The following CCM2 variants were observed in gnomAD, a reference collection of about 807,000 sequenced individuals.
CCM2 encodes cerebral cavernous malformations 2 protein.
CCM2 carries 25 observed loss-of-function variants against 44.9 expected under a neutral mutation model. The observed-to-expected ratio is 0.56, with a 90% CI of 0.41 to 0.78. CCM2 has a LOEUF of 0.78. CCM2 is among the 30% of genes least tolerant of loss of function. The pLI is 0.00. For missense variants in CCM2, 481 were observed against 580.6 expected (o/e 0.83, Z 1.76); for synonymous variants, 219 against 241.1 (o/e 0.91, Z 0.85).
chr7:45,033,041 T>G (rs1797040169), intron 1 of CCM2, among the ~76,000 whole-genome samples: 1 of 49,072 alleles, frequency 2.0e-5, no homozygotes, highest in African/African-American at 1.2e-4. Context: ...CAAAACTCCG[T>G]CTCAAAAAAA....
rs747203198 is a variant in CCM2 at position 45,060,612 on chromosome 7, TTC to T, written c.205-3304_205-3303del. 3.3e-5 allele frequency among the ~76,000 whole-genome samples: 5 copies of T among 152,214 alleles called. No individual in the cohort carries two copies. The East Asian group carries it at 7.7e-4, about 23-fold the overall frequency. ...GTAACTGTCCCACAGTTCTTGCATA[TTC>T]TGTTTTCTTTCTTTCGTTCTTTTTT... On this transcript the variant is annotated intron_variant, in intron 2 of 9. Coordinates refer to ENST00000258781, the MANE Select transcript of CCM2 (RefSeq NM_031443.4).
At chr7:45,002,325 A>T (rs1795671709) in intron 1 of CCM2, among the ~76,000 whole-genome samples, 1 of 152,232 alleles carries the variant, frequency 6.6e-6, no homozygotes, top group African/African-American at 2.4e-5. Context: ...GTAATCCAGC[A>T]CTTTGGGAGG....
chr7:45,076,292 G>C lies in CCM2; in HGVS notation c.*235G>C, dbSNP rs1784259335. The C allele has an allele frequency of 1.4e-6, 1 of 698,394 alleles. No homozygotes were observed. Among genetic ancestry groups the C allele is most frequent in the Non-Finnish European group, 2.6e-6 (1 of 389,180 alleles). 43.3% of individuals were successfully genotyped at this position (698,394 alleles called of 1,614,324 possible). A position where few individuals can be genotyped will look rare whatever the true frequency, so the allele number is the denominator to read the frequency against. Reference sequence around the variant, plus strand: ...GCCTTGTCCACCAGGGCTCAGCCAAGCCCTGCAGTGTGTCCCCGCTCGGGG... The same window carrying C: ...GCCTTGTCCACCAGGGCTCAGCCAACCCCTGCAGTGTGTCCCCGCTCGGGG... On this transcript the variant is annotated 3_prime_UTR_variant, in exon 10 of 10. Coordinates refer to ENST00000258781, the MANE Select transcript of CCM2 (RefSeq NM_031443.4).
In CCM2 at chr7:45,063,969, A is replaced by C. The variant is rs1411453531; in HGVS notation, c.256A>C (p.Thr86Pro). ...IPGYLNPSSR[T>P]EILHFIDNAK... ...AGGATACCTGAATCCCTCCAGTAGG[A>C]CTGAAATCCTGCATTTCATAGACAA... Residue 86 changes from threonine to proline, a missense_variant, in exon 3 of 10, where the codon ACT becomes CCT. Transcript: ENST00000258781. The C allele has an allele frequency of 6.2e-7, 1 of 1,613,084 alleles. No homozygotes were observed.
chr7:45,069,109 T>C (rs1271378936), intron 5 of CCM2, among the ~76,000 whole-genome samples: 2 of 152,256 alleles, frequency 1.3e-5, no homozygotes, highest in Non-Finnish European at 2.9e-5. Context: ...AGCCACCCAA[T>C]AGCTGTGGGG....
chr7:45,066,957 G>A (rs1379993097), intron 4 of CCM2, among the ~76,000 whole-genome samples: 2 of 149,564 alleles, frequency 1.3e-5, no homozygotes, highest in Admixed American at 1.3e-4. Flanking sequence ...CTGGAGTGTA[G>A]TGCCGTGATC....
intron 6 of CCM2, chr7:45,070,280 C>G: frequency 5.1e-6 from 2 of 393,352 alleles, no homozygotes; most frequent in South Asian, 4.2e-5. Context: ...GGAGAAGGCT[C>G]CTAGCACTGG....
chr7:45,068,862 C>T (rs561843039), intron 5 of CCM2, among the ~76,000 whole-genome samples: 46 of 152,352 alleles, frequency 3.0e-4, no homozygotes, highest in African/African-American at 1.0e-3. Context: ...CCACCGGTTC[C>T]CACCCCTGTG....
At position 45,076,021 on chromosome 7, in the gene CCM2, G is replaced by C; in HGVS notation, c.1299G>C (p.Glu433Asp). 1 of 1,613,080 alleles carries C rather than the reference G, an allele frequency of 6.2e-7. No homozygotes were observed. The highest frequency in any genetic ancestry group is 8.5e-7 in the Non-Finnish European group (1 of 1,180,028). The change falls in exon 10 of 10, where the codon GAG becomes GAC. Residue 433 changes from glutamate to aspartate, a missense_variant. Physicochemically the swap from Glu to Asp is conservative, Grantham distance 45. Transcript: ENST00000258781. ...TCTCGGACATCAGCAGCGACATTGA[G>C]GCGCTGGGCTGCAGCATGGACCAGG... Reference protein sequence around the residue: ...RMISDISSDIEALGCSMDQDS... With the variant: ...RMISDISSDIDALGCSMDQDS...
intron 2 of CCM2, among the ~76,000 whole-genome samples, chr7:45,058,897 C>G (rs1186153649): frequency 7.8e-6 from 1 of 128,850 alleles, no homozygotes; most frequent in Non-Finnish European, 1.7e-5. Flanking sequence ...CCACGCCCAG[C>G]TAATTTTTTT....
rs371956684 is a variant in CCM2 at position 45,064,416 on chromosome 7, G to A, written c.289-47G>A. ...ATTCTCAGGAGAAGCGCCCCATGCC[G>A]GTTGACAGCTGAGTCTGTATTTCTG... On this transcript the variant is annotated intron_variant, in intron 3 of 9. Coordinates refer to ENST00000258781, the MANE Select transcript of CCM2 (RefSeq NM_031443.4). 33 of 1,593,862 alleles carry A rather than the reference G, an allele frequency of 2.1e-5. No homozygotes were observed. In the African/African-American group the frequency reaches 3.0e-4, roughly 14 times the overall value.
intron 2 of CCM2, among the ~76,000 whole-genome samples, chr7:45,057,948 T>C (rs908648063): frequency 6.6e-5 from 10 of 152,226 alleles, no homozygotes; most frequent in Admixed American, 6.5e-4. Context: ...AAGATGAACT[T>C]GTATTTGCCA....
intron 6 of CCM2, chr7:45,070,799 G>GAA: frequency 3.3e-5 from 5 of 150,914 alleles, no homozygotes; most frequent in South Asian, 1.7e-4. Flanking sequence ...AAAATACCAA[G>GAA]AAAAAAAAAA....
intron 1 of CCM2, among the ~76,000 whole-genome samples, chr7:45,020,159 C>T (rs1272908805): frequency 1.3e-5 from 2 of 152,196 alleles, no homozygotes; most frequent in African/African-American, 2.4e-5. Context: ...AGGAGTAAAG[C>T]AATATAAAAG....
At chr7:45,045,435 T>C (rs772021432) in intron 2 of CCM2, among the ~76,000 whole-genome samples, 3 of 152,232 alleles carry the variant, frequency 2.0e-5, no homozygotes, top group Non-Finnish European at 4.4e-5. Context: ...AATCACATAA[T>C]TATATCAATC....
intron 1 of CCM2, among the ~76,000 whole-genome samples, chr7:45,036,235 T>G (rs1562879935): frequency 6.6e-6 from 1 of 152,214 alleles, no homozygotes; most frequent in Non-Finnish European, 1.5e-5. Context: ...CAAGACTTTC[T>G]GTTGTGTTTT....
At position 45,063,931 on chromosome 7, in the gene CCM2, T is replaced by C. The variant is rs1562906794; in HGVS notation, c.218T>C (p.Leu73Ser). 6.2e-7 allele frequency: 1 copy of C among 1,612,068 alleles called. No homozygotes were observed. The highest frequency in any genetic ancestry group is 8.5e-7 in the Non-Finnish European group (1 of 1,178,250). Reference sequence around the variant, plus strand: ...ACTTTCTTTCAGTATTTAGGTCAGTTAACGTCCATACCAGGATACCTGAAT... The same window carrying C: ...ACTTTCTTTCAGTATTTAGGTCAGTCAACGTCCATACCAGGATACCTGAAT... ...IEKEVKYLGQ[L>S]TSIPGYLNPS... Residue 73 changes from leucine (L) to serine (S), a missense_variant, in exon 3 of 10, where the codon TTA (leucine) becomes TCA (serine). By Grantham distance (145) the Leu-to-Ser change is moderately radical (BLOSUM62 -2). Coordinates refer to ENST00000258781, the MANE Select transcript of CCM2 (RefSeq NM_031443.4).
At chr7:45,007,469 C>G (rs1795892655) in intron 1 of CCM2, among the ~76,000 whole-genome samples, 3 of 152,162 alleles carry the variant, frequency 2.0e-5, no homozygotes, top group Non-Finnish European at 1.5e-5. Context: ...GTCAATGGAA[C>G]CATTAGGATT....
chr7:45,065,968 G>A (rs186903109), intron 4 of CCM2, among the ~76,000 whole-genome samples: 177 of 152,252 alleles, frequency 1.2e-3, no homozygotes, highest in African/African-American at 3.9e-3. Context: ...TTTCTGACTC[G>A]CTTCTTGCAG....
Sources: gnomAD v4.1 joint callset for allele counts (sites outside exome capture counted in the v4.1 genomes callset) on GRCh38, gnomAD v4.1.1 for gene constraint, MANE v1.5 for transcripts, NCBI Gene and HGNC (gene_info 2026-07-23, HGNC 2026-07-21) for gene names.